Variants in GPCPD1 observed in about 807,000 individuals in gnomAD.
GPCPD1 encodes glycerophosphocholine phosphodiesterase 1.
A neutral mutation model predicts 89.2 loss-of-function variants in GPCPD1; 29 were observed. That is an observed-to-expected ratio of 0.33 (90% CI 0.24 to 0.44). The LOEUF is 0.44. GPCPD1 is among the 20% of genes least tolerant of loss of function. The pLI is 1.00. For missense variants in GPCPD1, 594 were observed against 808.9 expected, an observed-to-expected ratio of 0.73 and a Z score of 3.22; for synonymous variants, 258 against 266.3, an observed-to-expected ratio of 0.97 and a Z score of 0.30.
At chr20:5,608,888 C>G (rs1214925590) in intron 1 of GPCPD1, among the ~76,000 whole-genome samples, 1 of 152,090 alleles carries the variant, frequency 6.6e-6, no homozygotes, top group African/African-American at 2.4e-5. Flanking sequence ...TTTAAATAAC[C>G]CTTTTTAAAA....
chr20:5,589,410 G>A (rs1473007636), intron 4 of GPCPD1, among the ~76,000 whole-genome samples: 1 of 152,158 alleles, frequency 6.6e-6, no homozygotes, highest in Non-Finnish European at 1.5e-5. Context: ...TCGGGAGTTA[G>A]AGAACAGCCT....
chr20:5,599,843 G>A (rs1447693338), intron 2 of GPCPD1, among the ~76,000 whole-genome samples: 4 of 152,102 alleles, frequency 2.6e-5, no homozygotes, highest in Admixed American at 1.3e-4. Context: ...ATGAGCCGCC[G>A]CGCCCAGCCA....
At chr20:5,579,655 A>C (rs1373917066) in intron 7 of GPCPD1, among the ~76,000 whole-genome samples, 1 of 152,222 alleles carries the variant, frequency 6.6e-6, no homozygotes, top group Non-Finnish European at 1.5e-5. Context: ...TTGGCCTCCC[A>C]AAGTGCTGGG....
In GPCPD1 at chr20:5,553,863, A is replaced by G. The variant is rs117448002; in HGVS notation, c.1829+4082T>C. On this transcript the variant is annotated intron_variant, in intron 19 of 19. Transcript: ENST00000379019. ...GAAAAAGAAGCTGTCTCCATAACGT[A>G]AAAGTGCAAAGTTAAGTATCAAGTG... is the stretch of plus-strand genomic sequence containing the variant. Among the ~76,000 whole-genome samples, 278 of 152,350 alleles carry G rather than the reference A, an allele frequency of 1.8e-3. 1 individual carries two copies. The highest frequency in any genetic ancestry group is 3.1e-3 in the Non-Finnish European group (212 of 68,036).
chr20:5,596,128 C>T (rs1451703073), intron 3 of GPCPD1, among the ~76,000 whole-genome samples: 1 of 152,100 alleles, frequency 6.6e-6, no homozygotes, highest in Non-Finnish European at 1.5e-5. Context: ...AACCAGAACC[C>T]AGGCATAGTG....
intron 2 of GPCPD1, among the ~76,000 whole-genome samples, chr20:5,604,058 T>C (rs1980377185): frequency 1.3e-5 from 2 of 152,180 alleles, no homozygotes; most frequent in African/African-American, 2.4e-5. Flanking sequence ...ACCAACTTCT[T>C]GCACTAGCAA....
rs1408510482 is a variant in GPCPD1 at position 5,570,234 on chromosome 20, T to C, written c.1062A>G (p.Ala354=). 1 of 1,547,944 alleles carries C rather than the reference T, an allele frequency of 6.5e-7. No homozygotes were observed. Among genetic ancestry groups the C allele is most frequent in the Non-Finnish European group, 8.9e-7 (1 of 1,121,368 alleles). Reference sequence around the variant, plus strand: ...GGTGTACGTCAAATTCTACAAAGGCTGCACCCTGACAGAAGGAAGCAAGTA... The same window carrying C: ...GGTGTACGTCAAATTCTACAAAGGCCGCACCCTGACAGAAGGAAGCAAGTA... ...ASLRNAASHG[A]AFVEFDVHLS... Residue 354 remains alanine, a synonymous_variant, in exon 12 of 20, where the codon GCA becomes GCG. Transcript: ENST00000379019.
intron 6 of GPCPD1, 64 bp from the exon 7 acceptor site, chr20:5,580,195 A>C (rs1600760131): frequency 1.3e-6 from 1 of 797,840 alleles, no homozygotes; most frequent in East Asian, 2.6e-5. Context: ...CACAATAAGT[A>C]CCTATAGGCA....
chr20:5,553,263 T>C (rs531497478), intron 19 of GPCPD1, among the ~76,000 whole-genome samples: 39 of 152,336 alleles, frequency 2.6e-4, no homozygotes, highest in Admixed American at 1.8e-3. Flanking sequence ...TGATCTTTGA[T>C]GTCACTATTG....
At chr20:5,579,134 G>A (rs1488435805) in intron 7 of GPCPD1, among the ~76,000 whole-genome samples, 1 of 152,008 alleles carries the variant, frequency 6.6e-6, no homozygotes, top group Non-Finnish European at 1.5e-5. Flanking sequence ...GCAGTGAGCC[G>A]AGATTGCACC....
intron 3 of GPCPD1, among the ~76,000 whole-genome samples, chr20:5,594,514 G>A (rs1979568572): frequency 2.0e-5 from 3 of 151,884 alleles, no homozygotes; most frequent in South Asian, 2.1e-4. Flanking sequence ...GGATGGTTTC[G>A]ATCTCCTGAC....
chr20:5,561,590 AC>A lies in GPCPD1; in HGVS notation c.1330-61del, dbSNP rs1986080940. On this transcript the variant is annotated intron_variant, in intron 15 of 19. Transcript: ENST00000379019. The stretch of plus-strand genomic sequence containing the variant: ...ATGAGATGGATAGCAGAATAAGAAA[AC>A]AAAAAAAATACAATTATTACTAAAA... The A allele has an allele frequency of 6.4e-6, 5 of 778,004 alleles. No homozygotes were observed. The East Asian group carries it at 1.0e-4, about 16-fold the overall frequency. 48.2% of individuals were successfully genotyped at this position (778,004 alleles called of 1,614,324 possible).
intron 19 of GPCPD1, among the ~76,000 whole-genome samples, chr20:5,554,704 T>C (rs1284648783): frequency 6.6e-6 from 1 of 152,216 alleles, no homozygotes. Flanking sequence ...ACAAAATCCA[T>C]TCTGCAGCCC....
At chr20:5,606,171 T>G (rs1289356836) in intron 1 of GPCPD1, among the ~76,000 whole-genome samples, 1 of 152,200 alleles carries the variant, frequency 6.6e-6, no homozygotes, top group Non-Finnish European at 1.5e-5. Context: ...AAAAATAGCT[T>G]AATACACACA....
chr20:5,603,885 T>C (rs1444785914), intron 2 of GPCPD1, among the ~76,000 whole-genome samples: 1 of 152,072 alleles, frequency 6.6e-6, no homozygotes. Context: ...TAGCTGGGAT[T>C]ACAGGCACAT....
At chr20:5,550,337 C>T (rs1280767437) in intron 19 of GPCPD1, among the ~76,000 whole-genome samples, 2 of 144,130 alleles carry the variant, frequency 1.4e-5, no homozygotes, top group Non-Finnish European at 3.0e-5. Flanking sequence ...AAAATCTGGT[C>T]CAAGAGCTAT....
chr20:5,570,478 G>A (rs898879021), intron 11 of GPCPD1, among the ~76,000 whole-genome samples: 1 of 147,478 alleles, frequency 6.8e-6, no homozygotes, highest in African/African-American at 2.5e-5. Flanking sequence ...AACACTCAGA[G>A]GCACCGCAGT....
chr20:5,581,335 A>G (rs927240440), intron 6 of GPCPD1, among the ~76,000 whole-genome samples: 12 of 152,238 alleles, frequency 7.9e-5, no homozygotes, highest in African/African-American at 2.7e-4. Context: ...CTATACTGTC[A>G]CAACACAAAT....
chr20:5,569,074 A>C (rs1020415898), intron 12 of GPCPD1, among the ~76,000 whole-genome samples: 1 of 151,816 alleles, frequency 6.6e-6, no homozygotes, highest in Non-Finnish European at 1.5e-5. Context: ...ATCTGAATAG[A>C]TGCACCTCCT....
Sources: gnomAD v4.1 joint callset for allele counts (sites outside exome capture counted in the v4.1 genomes callset) on GRCh38, gnomAD v4.1.1 for gene constraint, MANE v1.5 for transcripts, NCBI Gene and HGNC (gene_info 2026-07-23, HGNC 2026-07-21) for gene names.